MTHFD2L: variants seen among roughly 807,000 people sequenced by gnomAD.
The protein encoded by MTHFD2L is methylenetetrahydrofolate dehydrogenase (NADP+ dependent) 2 like.
Under a neutral mutation model 34.9 loss-of-function variants are expected in MTHFD2L, and 29 were observed. The ratio of observed to expected loss-of-function variants is 0.83; its 90% CI spans 0.62 to 1.13. The LOEUF is 1.13. MTHFD2L is among the 50% of genes most tolerant of loss of function. The pLI is 0.00. For missense variants in MTHFD2L, 481 were observed against 446.5 expected (o/e 1.08, Z -0.70); for synonymous variants, 167 against 155.7 (o/e 1.07, Z -0.54).
At chr4:74,245,434 G>T (rs567577307) in intron 6 of MTHFD2L, among the ~76,000 whole-genome samples, 5 of 151,752 alleles carry the variant, frequency 3.3e-5, no homozygotes, top group African/African-American at 1.2e-4. Flanking sequence ...AAGTCATTAA[G>T]TAATTATATG....
intron 5 of MTHFD2L, among the ~76,000 whole-genome samples, chr4:74,220,551 CT>C (rs2110108465): frequency 6.6e-6 from 1 of 151,748 alleles, no homozygotes; most frequent in South Asian, 2.1e-4. Flanking sequence ...TTAAACATTC[CT>C]ATCCAAGGGC....
chr4:74,153,279 T>C (rs899907282), upstream of MTHFD2L, among the ~76,000 whole-genome samples: 2 of 152,240 alleles, frequency 1.3e-5, no homozygotes, highest in Admixed American at 6.5e-5. Flanking sequence ...CAACAATGAA[T>C]GCTATATAGT....
At chr4:74,292,860 TA>T (rs1467587193) in intron 7 of MTHFD2L, among the ~76,000 whole-genome samples, 1 of 151,966 alleles carries the variant, frequency 6.6e-6, no homozygotes, top group African/African-American at 2.4e-5. Context: ...TTTATTTTAT[TA>T]TTATTATACT....
In MTHFD2L at chr4:74,225,403, T is replaced by G. The variant is rs1738989127; in HGVS notation, c.805+9T>G. The G allele has an allele frequency of 6.2e-7, 1 of 1,602,026 alleles. No individual in the cohort carries two copies. The highest frequency in any genetic ancestry group is 1.7e-5 in the Admixed American group (1 of 59,186). On this transcript the variant is annotated intron_variant, in intron 6 of 7. Transcript: ENST00000325278. ...TATCATAGTTGCTGCAGGTAAGTCC[T>G]TAGTGACTGTTATTTTTTGGAATGT...
intron 6 of MTHFD2L, among the ~76,000 whole-genome samples, chr4:74,275,876 A>T (rs946657726): frequency 1.5e-4 from 23 of 151,982 alleles, no homozygotes; most frequent in Admixed American, 1.1e-3. Flanking sequence ...GATTGCAAAA[A>T]TTTTCTCCTA....
At chr4:74,199,491 A>G (rs150752303) in intron 3 of MTHFD2L, among the ~76,000 whole-genome samples, 221 of 152,270 alleles carry the variant, frequency 1.5e-3, no homozygotes, top group African/African-American at 5.0e-3. Flanking sequence ...CAAAGACATG[A>G]CACCTGGCTA....
intron 3 of MTHFD2L, chr4:74,194,380 C>G (rs1018794063): frequency 1.3e-5 from 2 of 151,640 alleles, no homozygotes; most frequent in African/African-American, 2.4e-5. Flanking sequence ...AGAACTCTTT[C>G]AGTGATTTTT....
At chr4:74,137,238 A>C (rs558994899) in intron 1 of MTHFD2L, among the ~76,000 whole-genome samples, 28 of 152,226 alleles carry the variant, frequency 1.8e-4, no homozygotes, top group Non-Finnish European at 2.5e-4. Context: ...TAATAACTAG[A>C]GTATATAGAA....
chr4:74,286,723 T>C (rs1421835277), intron 7 of MTHFD2L, among the ~76,000 whole-genome samples: 1 of 152,318 alleles, frequency 6.6e-6, no homozygotes, highest in East Asian at 1.9e-4. Flanking sequence ...TTTGAAGCTT[T>C]AGTAGCTTTG....
intron 6 of MTHFD2L, among the ~76,000 whole-genome samples, chr4:74,245,825 G>A (rs1377633122): frequency 6.6e-6 from 1 of 151,752 alleles, no homozygotes; most frequent in East Asian, 1.9e-4. Flanking sequence ...TTTTATGGCT[G>A]CATAGTATTC....
intron 7 of MTHFD2L, among the ~76,000 whole-genome samples, chr4:74,299,413 T>C (rs141669136): frequency 0.059 from 8,939 of 151,470 alleles, 590 homozygotes; most frequent in African/African-American, 0.16. Flanking sequence ...GCAGTAGCAG[T>C]AGCAGTAGCA....
chr4:74,251,013 A>AT (rs1743232758), intron 6 of MTHFD2L, among the ~76,000 whole-genome samples: 1 of 152,174 alleles, frequency 6.6e-6, no homozygotes, highest in Admixed American at 6.5e-5. Context: ...TATCCCTTGT[A>AT]TTTTTTATTT....
At position 74,291,003 on chromosome 4, in the gene MTHFD2L, C is replaced by CTTTTTTTTTTTTTTTTT. The variant is rs10585551; in HGVS notation, c.931+9469_931+9485dup. ...CTGTCTTACATTTATTTTTCCTTTTCTTTTTTTTTTTTTTTTTTTTTTTTT... is the reference window on the plus strand; with the variant it reads ...CTGTCTTACATTTATTTTTCCTTTTCTTTTTTTTTTTTTTTTTTTTTTTTTTTTTTTTTTTTTTTTTT... On this transcript the variant is annotated intron_variant, in intron 7 of 7. Coordinates refer to ENST00000325278, the MANE Select transcript of MTHFD2L (RefSeq NM_001144978.3). 2.1e-3 allele frequency among the ~76,000 whole-genome samples: 62 copies of CTTTTTTTTTTTTTTTTT among 29,276 alleles called. 20 individuals are homozygous for CTTTTTTTTTTTTTTTTT. Among genetic ancestry groups the CTTTTTTTTTTTTTTTTT allele is most frequent in the East Asian group, 6.8e-3 (5 of 730 alleles). The allele number at this position is 29,276 out of a possible 152,430, so 19.2% of individuals were successfully genotyped here.
At chr4:74,114,845 T>C (rs1721632029) in intron 2 of MTHFD2L, among the ~76,000 whole-genome samples, 1 of 152,192 alleles carries the variant, frequency 6.6e-6, no homozygotes. Flanking sequence ...GGATAGGCAG[T>C]GTGCTGGCTT....
At chr4:74,293,224 G>A (rs1260747747) in intron 7 of MTHFD2L, among the ~76,000 whole-genome samples, 1 of 151,976 alleles carries the variant, frequency 6.6e-6, no homozygotes, top group East Asian at 1.9e-4. Flanking sequence ...GCCCCAGTGT[G>A]TGATGTTCCC....
chr4:74,193,799 TATTA>T (rs1732997422), intron 3 of MTHFD2L, among the ~76,000 whole-genome samples: 1 of 152,220 alleles, frequency 6.6e-6, no homozygotes, highest in South Asian at 2.1e-4. Flanking sequence ...TTATTAGTTC[TATTA>T]ATTGTTTTAT....
At chr4:74,160,719 TGTG>T (rs1725252253) in intron 1 of MTHFD2L, 1 of 152,394 alleles carries the variant, frequency 6.6e-6, no homozygotes, top group African/African-American at 2.4e-5. Context: ...CCCATTTTGT[TGTG>T]GTATTTGAGG....
At chr4:74,268,203 T>C (rs2110239479) in intron 6 of MTHFD2L, 2 of 982,518 alleles carry the variant, frequency 2.0e-6, no homozygotes, top group Middle Eastern at 5.2e-4. Context: ...TAATGTAGGC[T>C]CTATTTATCT....
intron 1 of MTHFD2L, among the ~76,000 whole-genome samples, chr4:74,138,126 C>A (rs1051282680): frequency 6.6e-6 from 1 of 151,474 alleles, no homozygotes; most frequent in Non-Finnish European, 1.5e-5. Flanking sequence ...TTCGGCCTTA[C>A]CTTTCAAAAA....
Sources: allele counts gnomAD v4.1 joint callset (sites outside exome capture counted in the v4.1 genomes callset), GRCh38; gene constraint gnomAD v4.1.1; transcripts MANE v1.5; gene names NCBI Gene and HGNC (gene_info 2026-07-23, HGNC 2026-07-21).